ATP6V1C2: variants seen among roughly 807,000 people sequenced by gnomAD.
ATP6V1C2 encodes the protein ATPase H+ transporting V1 subunit C2.
Under a neutral mutation model 56.8 loss-of-function variants are expected in ATP6V1C2, and 45 were observed. That is an observed-to-expected ratio of 0.79 (90% CI 0.62 to 1.02). The LOEUF is 1.02. Ranked by LOEUF, ATP6V1C2 falls within the 50% of genes least tolerant of loss-of-function variation. ATP6V1C2 has a pLI of 0.00. For missense variants in ATP6V1C2, 463 were observed against 519.7 expected (o/e 0.89, Z 1.06); for synonymous variants, 220 against 201.3 (o/e 1.09, Z -0.79).
chr2:10,741,466 C>G (rs1453063993), intron 3 of ATP6V1C2, among the ~76,000 whole-genome samples: 1 of 152,186 alleles, frequency 6.6e-6, no homozygotes, highest in Non-Finnish European at 1.5e-5. Flanking sequence ...TTCTGGGCCT[C>G]CCCTCTCAGG....
Position 10,774,208 on chromosome 2 carries a change from T to G in ATP6V1C2, c.639-580T>G, listed in dbSNP as rs779953067. On this transcript the variant is annotated intron_variant, in intron 8 of 13. Coordinates refer to ENST00000272238, the MANE Select transcript of ATP6V1C2 (RefSeq NM_001039362.2). Reference sequence around the variant, plus strand: ...AACAGGAAGGGTGACCCTGCCAGCATGCCAGCATGCTGTGAGATCGTGTCT... The same window carrying G: ...AACAGGAAGGGTGACCCTGCCAGCAGGCCAGCATGCTGTGAGATCGTGTCT... Among the ~76,000 whole-genome samples, 3 of 152,206 alleles carry G rather than the reference T, an allele frequency of 2.0e-5. No homozygotes were observed. In the South Asian group the frequency reaches 6.2e-4, roughly 31 times the overall value.
intron 2 of ATP6V1C2, among the ~76,000 whole-genome samples, chr2:10,724,577 A>G (rs1285948446): frequency 2.0e-5 from 3 of 152,120 alleles, no homozygotes; most frequent in Admixed American, 1.3e-4. Context: ...ATAAAAAAAG[A>G]AGACACAGCC....
At chr2:10,724,703 C>T (rs1008177845) in intron 2 of ATP6V1C2, among the ~76,000 whole-genome samples, 15 of 148,270 alleles carry the variant, frequency 1.0e-4, no homozygotes, top group Non-Finnish European at 1.0e-4. Flanking sequence ...GTTGGAGCCT[C>T]GCTCTGTCAC....
chr2:10,749,267 G>A (rs1436734505), intron 3 of ATP6V1C2, among the ~76,000 whole-genome samples: 1 of 152,102 alleles, frequency 6.6e-6, no homozygotes, highest in African/African-American at 2.4e-5. Context: ...AGCCGAGGCA[G>A]GAGGATCACT....
chr2:10,765,184 C>A (rs1461401080), intron 5 of ATP6V1C2, among the ~76,000 whole-genome samples: 1 of 152,168 alleles, frequency 6.6e-6, no homozygotes, highest in Non-Finnish European at 1.5e-5. Context: ...AGTGTCCTGA[C>A]AGTCCTCTGT....
At chr2:10,753,532 A>ATTT (rs540952695) in intron 3 of ATP6V1C2, among the ~76,000 whole-genome samples, 1 of 136,946 alleles carries the variant, frequency 7.3e-6, no homozygotes, top group Non-Finnish European at 1.6e-5. Flanking sequence ...GGCTATTAGC[A>ATTT]TTTTTTTTTT....
rs533355892 is a variant in ATP6V1C2 at position 10,776,933 on chromosome 2, A to G, written c.826-652A>G. 4.6e-5 allele frequency among the ~76,000 whole-genome samples: 7 copies of G among 152,298 alleles called. No homozygotes were observed. The South Asian group carries it at 1.5e-3, about 32-fold the overall frequency. On this transcript the variant is annotated intron_variant, in intron 10 of 13. Coordinates refer to ENST00000272238, the MANE Select transcript of ATP6V1C2 (RefSeq NM_001039362.2). ...AGGCACTCTCAGCTTGGGTAGTCCCACTGGCCTCCTGAGAATCTGGCCCCC... is the reference window on the plus strand; with the variant it reads ...AGGCACTCTCAGCTTGGGTAGTCCCGCTGGCCTCCTGAGAATCTGGCCCCC...
chr2:10,778,489 C>A, intron 11 of ATP6V1C2, 83 bp from the exon 12 acceptor site: 1 of 1,304,574 alleles, frequency 7.7e-7, no homozygotes, highest in Non-Finnish European at 1.1e-6. Flanking sequence ...TCAGGGCGTG[C>A]TCTGTCAAAA....
chr2:10,777,392 C>G (rs529016778), intron 10 of ATP6V1C2, among the ~76,000 whole-genome samples, 193 bp from the exon 11 acceptor site: 1 of 152,320 alleles, frequency 6.6e-6, no homozygotes, highest in East Asian at 1.9e-4. Context: ...TAACACTGCC[C>G]TTCTCTCTGC....
At chr2:10,766,720 C>T (rs1473511057) in intron 5 of ATP6V1C2, among the ~76,000 whole-genome samples, 2 of 152,072 alleles carry the variant, frequency 1.3e-5, no homozygotes, top group African/African-American at 4.8e-5. Flanking sequence ...TTGTATAGGA[C>T]AGTACAGTGT....
chr2:10,730,984 G>A (rs931448030), intron 3 of ATP6V1C2, among the ~76,000 whole-genome samples: 1 of 146,200 alleles, frequency 6.8e-6, no homozygotes, highest in Non-Finnish European at 1.5e-5. Context: ...ACAGGGTCTT[G>A]CTCTGTCGCC....
At chr2:10,745,179 A>G (rs2087461) in intron 3 of ATP6V1C2, among the ~76,000 whole-genome samples, 125,566 of 148,318 alleles carry the variant, frequency 0.85, 53,149 homozygotes, top group Admixed American at 0.9. Flanking sequence ...GAGTATCTGG[A>G]TGCCTGCCAC....
chr2:10,745,946 C>G (rs914536782), intron 3 of ATP6V1C2, among the ~76,000 whole-genome samples: 1 of 152,212 alleles, frequency 6.6e-6, no homozygotes, highest in Non-Finnish European at 1.5e-5. Flanking sequence ...GAATTCCCTT[C>G]CTTTTAAGGC....
chr2:10,723,132 T>A (rs998190926), intron 2 of ATP6V1C2, among the ~76,000 whole-genome samples, 154 bp downstream of exon 2: 3 of 151,234 alleles, frequency 2.0e-5, no homozygotes, highest in Admixed American at 6.6e-5. Context: ...GACGGGGAGG[T>A]GATGGGCTAG....
rs1380010172 is a variant in ATP6V1C2, at chr2:10,774,862, C to G, written c.713C>G (p.Thr238Ser). The change falls in exon 9 of 14, where the codon ACC (threonine) becomes AGC (serine). Residue 238 changes from threonine to serine, a missense_variant. Thr to Ser is a moderately conservative substitution (Grantham distance 58, BLOSUM62 1). Transcript: ENST00000272238. ...CGAAAAGTGATTGAAGATTTCAAAA[C>G]CAAGGCCAAAGAAAACAAGTAAGGG... is the stretch of plus-strand genomic sequence containing the variant. ...LFRKVIEDFK[T>S]KAKENKFTVR... 2.5e-6 allele frequency: 4 copies of G among 1,614,232 alleles called. No homozygotes were observed. The highest frequency in any genetic ancestry group is 3.4e-6 in the Non-Finnish European group (4 of 1,180,038).
intron 3 of ATP6V1C2, among the ~76,000 whole-genome samples, chr2:10,727,629 T>C (rs1341555219): frequency 6.6e-6 from 1 of 152,134 alleles, no homozygotes; most frequent in Non-Finnish European, 1.5e-5. Context: ...CCAGGAGTGG[T>C]AGCTCACCCC....
chr2:10,727,435 A>T (rs1661709117), intron 3 of ATP6V1C2, among the ~76,000 whole-genome samples: 1 of 151,498 alleles, frequency 6.6e-6, no homozygotes, highest in African/African-American at 2.4e-5. Context: ...GTGTGCCTGT[A>T]GTCCTAGCTA....
chr2:10,723,837 CAAAAAAAAAAAA>C (rs145669254), intron 2 of ATP6V1C2, among the ~76,000 whole-genome samples: 1 of 122,942 alleles, frequency 8.1e-6, no homozygotes, highest in Non-Finnish European at 1.7e-5. Context: ...GACTCTGTCT[CAAAAAAAAAAAA>C]AAAAAAAGAA....
intron 3 of ATP6V1C2, among the ~76,000 whole-genome samples, chr2:10,728,345 A>C (rs866751260): frequency 1.3e-5 from 2 of 152,312 alleles, no homozygotes; most frequent in Middle Eastern, 3.4e-3. Context: ...CGGCCTGCCA[A>C]AGTGTTGGGA....
Sources: gnomAD v4.1 joint callset for allele counts (sites outside exome capture counted in the v4.1 genomes callset) on GRCh38, gnomAD v4.1.1 for gene constraint, MANE v1.5 for transcripts, NCBI Gene and HGNC (gene_info 2026-07-23, HGNC 2026-07-21) for gene names.